Variants in TEX11 observed in about 807,000 individuals in gnomAD.
TEX11 encodes the protein testis expressed 11, also known as testis-expressed protein 11.
In TEX11, 7 loss-of-function variants were observed where a neutral mutation model predicts 84.4. The observed-to-expected ratio is 0.08, with a 90% CI of 0.05 to 0.16. The LOEUF is 0.16. Ranked by LOEUF, TEX11 falls within the 10% of genes least tolerant of loss-of-function variation. The pLI is 1.00. For missense variants in TEX11, 551 were observed against 660.5 expected, an observed-to-expected ratio of 0.83 and a Z score of 1.82; for synonymous variants, 264 against 222.8, an observed-to-expected ratio of 1.18 and a Z score of -1.64.
At chrX:70,766,682 C>T (rs755500529) in intron 9 of TEX11, among the ~76,000 whole-genome samples, 1 of 110,678 alleles carries the variant, frequency 9.0e-6, no homozygotes, top group Non-Finnish European at 1.9e-5. Flanking sequence ...CTATCCTAAG[C>T]GAAAAGAACA....
chrX:70,606,937 A>G, intron 23 of TEX11, 22 bp downstream of exon 23: 1 of 1,082,884 alleles, frequency 9.2e-7, no homozygotes, highest in Non-Finnish European at 1.3e-6. Flanking sequence ...CATACATGAG[A>G]TACTTATTAA....
intron 5 of TEX11, chrX:70,857,169 TA>T: frequency 8.6e-6 from 1 of 116,528 alleles, no homozygotes. Context: ...AGGAGATGGA[TA>T]AAGATGGGCT....
intron 8 of TEX11, among the ~76,000 whole-genome samples, chrX:70,827,147 T>A (rs2091351360): frequency 9.0e-6 from 1 of 111,134 alleles, no homozygotes. Context: ...TCAAACCACA[T>A]TTCTAGACAC....
chrX:70,906,900 T>C (rs1254916648), intron 2 of TEX11, among the ~76,000 whole-genome samples: 1 of 112,499 alleles, frequency 8.9e-6, no homozygotes, highest in Non-Finnish European at 1.9e-5. Context: ...TTCATTATTA[T>C]ATGAATGTGA....
intron 19 of TEX11, among the ~76,000 whole-genome samples, 190 bp downstream of exon 19, chrX:70,624,649 C>G (rs2089430902): frequency 8.9e-6 from 1 of 111,778 alleles, no homozygotes; most frequent in Admixed American, 9.5e-5. Context: ...CTGCTGGTTT[C>G]TTATTTCTCA....
chrX:70,621,278 T>C (rs1457127432), intron 20 of TEX11, among the ~76,000 whole-genome samples: 3 of 105,840 alleles, frequency 2.8e-5, no homozygotes, highest in African/African-American at 6.9e-5. Flanking sequence ...ATCCCAGAAC[T>C]TTGGGAGGCT....
At chrX:70,564,731 A>T (rs2088432587) in intron 25 of TEX11, among the ~76,000 whole-genome samples, 1 of 108,506 alleles carries the variant, frequency 9.2e-6, no homozygotes, top group Non-Finnish European at 1.9e-5. Flanking sequence ...AAAGGACATG[A>T]ACTCATCATT....
At chrX:70,793,801 A>G (rs1295604618) in intron 9 of TEX11, among the ~76,000 whole-genome samples, 2 of 111,437 alleles carry the variant, frequency 1.8e-5, no homozygotes, top group African/African-American at 6.5e-5. Context: ...CAAATAGGAA[A>G]AGAAGAAGTC....
At chrX:70,860,756 A>G in intron 5 of TEX11, 101 bp downstream of exon 5, 1 of 540,216 alleles carries the variant, frequency 1.9e-6, no homozygotes, top group Non-Finnish European at 3.1e-6. Context: ...GGATAGCACT[A>G]AAAGATTCAA....
intron 9 of TEX11, among the ~76,000 whole-genome samples, chrX:70,801,208 G>A (rs1243470686): frequency 9.0e-6 from 1 of 111,237 alleles, no homozygotes. Context: ...AAGCACAAAT[G>A]CCTGTAATGC....
At chrX:70,824,776 CA>C (rs1285521124) in intron 8 of TEX11, among the ~76,000 whole-genome samples, 1 of 111,623 alleles carries the variant, frequency 9.0e-6, no homozygotes, top group Non-Finnish European at 1.9e-5. Context: ...ATTTACATAA[CA>C]AAAACTTTGA....
At chrX:70,541,494 A>G (rs1339278206) in intron 28 of TEX11, among the ~76,000 whole-genome samples, 7 of 111,378 alleles carry the variant, frequency 6.3e-5, no homozygotes, top group Non-Finnish European at 1.3e-4. Flanking sequence ...AAACTGGGTA[A>G]AGAGTACATG....
intron 25 of TEX11, among the ~76,000 whole-genome samples, chrX:70,561,516 T>C (rs192960108): frequency 1.9e-5 from 2 of 106,433 alleles, no homozygotes; most frequent in Non-Finnish European, 3.9e-5. Context: ...GCCTCCCGAG[T>C]AGCTGGGACT....
chrX:70,560,314 T>C (rs1400061653), intron 25 of TEX11, among the ~76,000 whole-genome samples: 2 of 109,989 alleles, frequency 1.8e-5, no homozygotes, highest in Non-Finnish European at 3.8e-5. Context: ...CCACGCCCGC[T>C]TAATTTTGTA....
At chrX:70,515,219 T>G in the TEX11 span, among the ~76,000 whole-genome samples, 1 of 111,912 alleles carries the variant, frequency 8.9e-6, no homozygotes, top group Non-Finnish European at 1.9e-5. Context: ...GCTGCACCCA[T>G]TAACTCGTCA....
At chrX:70,537,169 G>A (rs1275370272) in intron 28 of TEX11, among the ~76,000 whole-genome samples, 1 of 111,817 alleles carries the variant, frequency 8.9e-6, no homozygotes, top group Admixed American at 9.5e-5. Context: ...CATATGTGAT[G>A]CCCTTGATCT....
At chrX:70,683,857 C>T (rs960246221) in intron 13 of TEX11, among the ~76,000 whole-genome samples, 5 of 111,512 alleles carry the variant, frequency 4.5e-5, no homozygotes, top group African/African-American at 9.8e-5. Context: ...GAATAGAGAA[C>T]GCAGAAATAA....
chrX:70,718,463 G>A lies in TEX11; in HGVS notation c.1004+4155C>T, dbSNP rs757250242. 3.6e-5 allele frequency among the ~76,000 whole-genome samples: 4 copies of A among 111,930 alleles called. No individual in the cohort carries two copies. The South Asian group carries it at 1.5e-3, about 42-fold the overall frequency. ...AAAAATGACTTCACTAAGAACATGT[G>A]AATTAAATTTTACATTTGTGTAACT... is the stretch of plus-strand genomic sequence containing the variant. On this transcript the variant is annotated intron_variant, in intron 13 of 29. Coordinates refer to ENST00000374333, the MANE Select transcript of TEX11 (RefSeq NM_031276.3).
At chrX:70,656,589 G>A (rs16991218) in intron 16 of TEX11, among the ~76,000 whole-genome samples, 20,960 of 110,720 alleles carry the variant, frequency 0.19, 1,560 homozygotes, top group Non-Finnish European at 0.2. Context: ...AAAATATCCC[G>A]AGGCATTAAG....
Sources: gnomAD v4.1 joint callset for allele counts (sites outside exome capture counted in the v4.1 genomes callset) on GRCh38, gnomAD v4.1.1 for gene constraint, MANE v1.5 for transcripts, NCBI Gene and HGNC (gene_info 2026-07-23, HGNC 2026-07-21) for gene names.